CDH13: variants seen among roughly 807,000 people sequenced by gnomAD.
The protein encoded by CDH13 is cadherin-13.
In CDH13, 24 loss-of-function variants were observed where a neutral mutation model predicts 63.8. That is an observed-to-expected ratio of 0.38 (90% CI 0.27 to 0.53). The LOEUF is 0.53. CDH13 is among the 20% of genes least tolerant of loss of function. The probability of loss-of-function intolerance (pLI) is 0.85; values close to 1 mark genes in which losing one functional copy is unlikely to be tolerated. For synonymous variants in CDH13, 503 were observed against 355.3 expected (o/e 1.42, Z -4.67); for missense variants, 1,049 against 903.1 (o/e 1.16, Z -2.07).
intron 1 of CDH13, among the ~76,000 whole-genome samples, chr16:82,659,288 C>T (rs147610170): frequency 6.3e-4 from 96 of 152,002 alleles, no homozygotes; most frequent in African/African-American, 2.1e-3. Flanking sequence ...GTGGAAATTA[C>T]CTCAAAGGTA....
At chr16:83,147,425 T>A (rs890673628) in intron 4 of CDH13, among the ~76,000 whole-genome samples, 6 of 152,164 alleles carry the variant, frequency 3.9e-5, no homozygotes, top group Admixed American at 6.5e-5. Flanking sequence ...TCAACATTCC[T>A]CAGGGCTCCC....
At chr16:82,799,549 C>T (rs979691632) in intron 1 of CDH13, among the ~76,000 whole-genome samples, 12 of 152,172 alleles carry the variant, frequency 7.9e-5, no homozygotes, top group Admixed American at 2.0e-4. Context: ...GCTAATTCCA[C>T]GTTGTAATCA....
At chr16:83,112,667 T>C (rs1209804354) in intron 3 of CDH13, among the ~76,000 whole-genome samples, 1 of 152,214 alleles carries the variant, frequency 6.6e-6, no homozygotes, top group Admixed American at 6.5e-5. Flanking sequence ...ATTATTTCTC[T>C]GCACTGTGTT....
At chr16:83,445,289 G>C (rs9929980) in intron 6 of CDH13, among the ~76,000 whole-genome samples, 58,248 of 121,166 alleles carry the variant, frequency 0.48, 13,504 homozygotes, top group East Asian at 0.79. Context: ...TTTATAAAAG[G>C]TTTTATAAAT....
At position 83,750,287 on chromosome 16, in the gene CDH13, C is replaced by T. The variant is rs562372375; in HGVS notation, c.1681+2037C>T. On this transcript the variant is annotated intron_variant, in intron 11 of 13. Coordinates refer to ENST00000567109, the MANE Select transcript of CDH13 (RefSeq NM_001257.5). ...CTCCAGCCGGGGTGACAGAGTGAGA[C>T]TCCATCTCAAAAAAAAAGAAAGAAA... Among the ~76,000 whole-genome samples the T allele has an allele frequency of 3.3e-5, 5 of 152,056 alleles. No individual in the cohort carries two copies. In the East Asian group the frequency reaches 7.8e-4, roughly 24 times the overall value.
chr16:83,454,077 T>C (rs904263239), intron 6 of CDH13, among the ~76,000 whole-genome samples: 4 of 152,182 alleles, frequency 2.6e-5, no homozygotes, highest in South Asian at 2.1e-4. Flanking sequence ...TGTGGAAAAA[T>C]TGATTCAGTC....
intron 7 of CDH13, among the ~76,000 whole-genome samples, chr16:83,586,402 T>TA: frequency 6.6e-6 from 1 of 152,324 alleles, no homozygotes; most frequent in African/African-American, 2.4e-5. Context: ...TTGTTATTTT[T>TA]AAAAATAAAA....
intron 3 of CDH13, among the ~76,000 whole-genome samples, chr16:83,036,474 G>T (rs1916866634): frequency 6.6e-6 from 1 of 152,012 alleles, no homozygotes; most frequent in Admixed American, 6.6e-5. Flanking sequence ...TTAACAGTAG[G>T]TTCTATTGGC....
intron 1 of CDH13, among the ~76,000 whole-genome samples, chr16:82,853,657 C>G (rs1442634394): frequency 6.6e-6 from 1 of 152,144 alleles, no homozygotes; most frequent in Non-Finnish European, 1.5e-5. Flanking sequence ...ATCTTTGTAG[C>G]AGGCTGATGG....
intron 8 of CDH13, among the ~76,000 whole-genome samples, chr16:83,626,252 T>C (rs1028108121): frequency 6.6e-6 from 1 of 152,206 alleles, no homozygotes; most frequent in African/African-American, 2.4e-5. Context: ...AATTGTTTCA[T>C]GACCGGAGTC....
chr16:83,578,493 A>G (rs1195159383), intron 7 of CDH13, among the ~76,000 whole-genome samples: 1 of 152,216 alleles, frequency 6.6e-6, no homozygotes, highest in Non-Finnish European at 1.5e-5. Flanking sequence ...GTTCAAAAGC[A>G]GAAGAGGTCA....
At chr16:83,234,132 C>G (rs1056124356) in intron 5 of CDH13, among the ~76,000 whole-genome samples, 5 of 152,210 alleles carry the variant, frequency 3.3e-5, no homozygotes, top group African/African-American at 1.2e-4. Context: ...ACCCTAGATT[C>G]TTGCTCTGAA....
At chr16:83,204,629 G>A (rs932496450) in intron 4 of CDH13, among the ~76,000 whole-genome samples, 7 of 152,152 alleles carry the variant, frequency 4.6e-5, no homozygotes, top group Admixed American at 6.6e-5. Flanking sequence ...ATGCAGATGC[G>A]TTTTTATGTG....
chr16:83,512,832 C>A (rs2074604989), intron 7 of CDH13, among the ~76,000 whole-genome samples: 1 of 152,068 alleles, frequency 6.6e-6, no homozygotes, highest in Non-Finnish European at 1.5e-5. Flanking sequence ...TCTCGGGCCT[C>A]CCCACAAACC....
At chr16:83,616,379 A>G (rs1168352913) in intron 8 of CDH13, among the ~76,000 whole-genome samples, 1 of 151,966 alleles carries the variant, frequency 6.6e-6, no homozygotes, top group African/African-American at 2.4e-5. Context: ...GTTGATCCCC[A>G]TCATCCCTGT....
intron 10 of CDH13, among the ~76,000 whole-genome samples, chr16:83,737,503 A>G (rs1911647600): frequency 6.6e-6 from 1 of 151,998 alleles, no homozygotes; most frequent in African/African-American, 2.4e-5. Context: ...TCTATGTAAT[A>G]GGGTTCTTTT....
intron 1 of CDH13, among the ~76,000 whole-genome samples, chr16:82,766,763 C>T (rs11640522): frequency 0.22 from 33,283 of 151,946 alleles, 4,562 homozygotes; most frequent in South Asian, 0.37. Context: ...CAGCATTCCT[C>T]GGTGCAAAAT....
intron 4 of CDH13, among the ~76,000 whole-genome samples, chr16:83,207,500 C>G (rs1334443205): frequency 6.6e-6 from 1 of 152,114 alleles, no homozygotes; most frequent in Non-Finnish European, 1.5e-5. Context: ...CATATAGGTA[C>G]ACATACACTT....
At chr16:83,190,624 T>G (rs906857590) in intron 4 of CDH13, among the ~76,000 whole-genome samples, 2 of 152,170 alleles carry the variant, frequency 1.3e-5, no homozygotes, top group Non-Finnish European at 2.9e-5. Flanking sequence ...TTATAGAGAC[T>G]GATCAATTTA....
Sources: allele counts gnomAD v4.1 joint callset (sites outside exome capture counted in the v4.1 genomes callset), GRCh38; gene constraint gnomAD v4.1.1; transcripts MANE v1.5; gene names NCBI Gene and HGNC (gene_info 2026-07-23, HGNC 2026-07-21).